Variants in MYLIP observed in about 807,000 individuals in gnomAD.
MYLIP encodes E3 ubiquitin-protein ligase MYLIP.
MYLIP carries 26 observed loss-of-function variants against 45.8 expected under a neutral mutation model. That is an observed-to-expected ratio of 0.57 (90% confidence interval 0.42 to 0.79). The LOEUF is 0.79. Among genes scored for constraint, MYLIP ranks in the 30% least tolerant of loss-of-function variants. MYLIP has a pLI of 0.00. For missense variants in MYLIP, 494 were observed against 555.6 expected (o/e 0.89, Z 1.11); for synonymous variants, 213 against 218.1 (o/e 0.98, Z 0.21).
chr6:16,130,718 G>A lies in MYLIP; in HGVS notation c.249G>A (p.Glu83=), dbSNP rs777843131. The A allele has an allele frequency of 1.9e-6, 3 of 1,613,932 alleles. No individual in the cohort carries two copies. Among genetic ancestry groups the A allele is most frequent in the Non-Finnish European group, 8.5e-7 (1 of 1,180,000 alleles). The stretch of plus-strand genomic sequence containing the variant: ...AACTTAGAGTCAAGTTCTTCGTGGA[G>A]CCTCATCTCATCTTACAGGAGCAGA... ...RLKLRVKFFV[E]PHLILQEQTR... Residue 83 remains glutamate, a synonymous_variant, in exon 2 of 7, where the codon GAG becomes GAA. Coordinates refer to ENST00000356840, the MANE Select transcript of MYLIP (RefSeq NM_013262.4).
At chr6:16,156,367 T>G in the MYLIP span, among the ~76,000 whole-genome samples, 1 of 152,206 alleles carries the variant, frequency 6.6e-6, no homozygotes, top group Non-Finnish European at 1.5e-5. Context: ...AAAATAAACA[T>G]GTGAACATAT....
rs202197437 is a variant in MYLIP at position 16,143,779 on chromosome 6, G to A, written c.743G>A (p.Ser248Asn). 33 of 1,613,890 alleles carry A rather than the reference G, an allele frequency of 2.0e-5. No homozygotes were observed. Among genetic ancestry groups the A allele is most frequent in the Non-Finnish European group, 2.7e-5 (32 of 1,180,016 alleles). The change falls in exon 5 of 7, where the codon AGC becomes AAC. Residue 248 changes from serine (S) to asparagine (N), a missense_variant. Ser to Asn is a conservative substitution (Grantham distance 46, BLOSUM62 1). Transcript: ENST00000356840. Reference sequence around the variant, plus strand: ...ACGGTCACCAAGGAATCTGGGAACAGCATCGTGCTCTTGTTTAAAATGATC... The same window carrying A: ...ACGGTCACCAAGGAATCTGGGAACAACATCGTGCTCTTGTTTAAAATGATC... ...YLTVTKESGN[S>N]IVLLFKMIST... is the part of the protein sequence containing the mutation.
At chr6:16,144,183 G>C (rs1328788779) in intron 5 of MYLIP, among the ~76,000 whole-genome samples, 1 of 151,900 alleles carries the variant, frequency 6.6e-6, no homozygotes, top group African/African-American at 2.4e-5. Flanking sequence ...AACCCTAAGG[G>C]GTTATTATTA....
At position 16,148,104 on chromosome 6, in the gene MYLIP, T is replaced by A. The variant is rs1387471044; in HGVS notation, c.*1353T>A. On this transcript the variant is annotated 3_prime_UTR_variant, in exon 7 of 7. Transcript: ENST00000356840. ...CAAATATTAAAACTCTACTTTTTTA[T>A]GGCACATATTAGCATATAAGCCTTT... 1 of 152,672 alleles carries A rather than the reference T, an allele frequency of 6.5e-6. No individual in the cohort carries two copies. Among genetic ancestry groups the A allele is most frequent in the African/African-American group, 2.4e-5 (1 of 41,468 alleles). 9.5% of individuals were successfully genotyped at this position (152,672 alleles called of 1,614,324 possible).
At chr6:16,131,014 TA>T (rs1161240899) in intron 2 of MYLIP, among the ~76,000 whole-genome samples, 4 of 121,470 alleles carry the variant, frequency 3.3e-5, no homozygotes, top group Non-Finnish European at 6.6e-5. Context: ...ACACTTGAGA[TA>T]AGTGCTACCC....
intron 2 of MYLIP, among the ~76,000 whole-genome samples, chr6:16,140,400 T>G (rs2282813): frequency 0.14 from 20,553 of 152,152 alleles, 1,790 homozygotes; most frequent in East Asian, 0.41. Context: ...ACAACTAGGA[T>G]GGGCTTAAAC....
Position 16,130,792 on chromosome 6 carries a change from C to G in MYLIP, c.278+45C>G, listed in dbSNP as rs1759442167. On this transcript the variant is annotated intron_variant, in intron 2 of 6. Transcript: ENST00000356840. ...ACCAATGTCAAATTGACCTTTGGTTCCCTTTAGAAGGGCCGCTGCACCTTC... is the reference window on the plus strand; with the variant it reads ...ACCAATGTCAAATTGACCTTTGGTTGCCTTTAGAAGGGCCGCTGCACCTTC... 1.3e-6 allele frequency: 2 copies of G among 1,576,464 alleles called. 1 individual carries two copies. Among genetic ancestry groups the G allele is most frequent in the Middle Eastern group, 3.6e-4 (2 of 5,540 alleles).
chr6:16,143,645 T>G, intron 4 of MYLIP, 54 bp from the exon 5 acceptor site: 2 of 1,585,502 alleles, frequency 1.3e-6, no homozygotes, highest in Non-Finnish European at 1.7e-6. Context: ...GGCACACACA[T>G]GGTGAAGAAT....
chr6:16,131,114 C>G (rs569515690), intron 2 of MYLIP, among the ~76,000 whole-genome samples: 6 of 151,352 alleles, frequency 4.0e-5, no homozygotes, highest in Non-Finnish European at 5.9e-5. Flanking sequence ...GTAACCTCTG[C>G]CTCAGCAGTG....
At chr6:16,133,436 C>T (rs2113516324) in intron 2 of MYLIP, among the ~76,000 whole-genome samples, 1 of 152,292 alleles carries the variant, frequency 6.6e-6, no homozygotes, top group South Asian at 2.1e-4. Flanking sequence ...ATGCTTTGCT[C>T]TTGAATATGA....
At chr6:16,159,506 CCTT>C in the MYLIP span, among the ~76,000 whole-genome samples, 3 of 152,246 alleles carry the variant, frequency 2.0e-5, no homozygotes, top group East Asian at 5.8e-4. Context: ...TGTTTGCTGT[CCTT>C]CTTATAATTA....
chr6:16,143,365 C>A, intron 4 of MYLIP, 148 bp downstream of exon 4: 1 of 813,348 alleles, frequency 1.2e-6, no homozygotes, highest in Non-Finnish European at 1.9e-6. Flanking sequence ...TTTATTCAGG[C>A]CTAAATAACC....
At chr6:16,135,185 T>A (rs1456127784) in intron 2 of MYLIP, among the ~76,000 whole-genome samples, 1 of 152,208 alleles carries the variant, frequency 6.6e-6, no homozygotes, top group Admixed American at 6.5e-5. Context: ...ATGGAATGAA[T>A]GTACCAAAAA....
At position 16,130,632 on chromosome 6, in the gene MYLIP, T is replaced by C. The variant is rs1759438390; in HGVS notation, c.163T>C (p.Trp55Arg). 1 of 1,614,096 alleles carries C rather than the reference T, an allele frequency of 6.2e-7. No individual in the cohort carries two copies. The highest frequency in any genetic ancestry group is 8.5e-7 in the Non-Finnish European group (1 of 1,180,032). ...QFTGSKGESL[W>R]LNLRNRISQQ... ...TACGGGTAGCAAAGGTGAAAGTTTA[T>C]GGCTAAACCTGAGAAACCGGATCTC... Residue 55 changes from tryptophan to arginine, a missense_variant, in exon 2 of 7, where the codon TGG (tryptophan) becomes CGG (arginine). Coordinates refer to ENST00000356840, the MANE Select transcript of MYLIP (RefSeq NM_013262.4).
At chr6:16,148,753 C>T (rs1170620634), downstream of MYLIP, among the ~76,000 whole-genome samples, 1 of 152,164 alleles carries the variant, frequency 6.6e-6, no homozygotes, top group Non-Finnish European at 1.5e-5. Context: ...GCTACAGAAG[C>T]TCGGGCTGTA....
At chr6:16,137,822 T>C (rs1759586438) in intron 2 of MYLIP, among the ~76,000 whole-genome samples, 1 of 152,150 alleles carries the variant, frequency 6.6e-6, no homozygotes, top group Admixed American at 6.5e-5. Context: ...GAAAGAAAAA[T>C]ATAGTAAGAA....
chr6:16,136,312 C>G (rs899787683), intron 2 of MYLIP, among the ~76,000 whole-genome samples: 10 of 151,712 alleles, frequency 6.6e-5, no homozygotes, highest in African/African-American at 2.2e-4. Flanking sequence ...CCTGTGCGGC[C>G]TTATCTATAT....
chr6:16,140,334 C>T (rs1345779247), intron 2 of MYLIP, among the ~76,000 whole-genome samples: 3 of 145,340 alleles, frequency 2.1e-5, no homozygotes, highest in East Asian at 4.1e-4. Context: ...CTGAATTTTA[C>T]AGGAGTTTTT....
intron 5 of MYLIP, 92 bp downstream of exon 5, chr6:16,143,955 T>G: frequency 7.2e-7 from 1 of 1,380,694 alleles, no homozygotes; most frequent in Non-Finnish European, 9.9e-7. Flanking sequence ...GATTGTTGTG[T>G]CAATGAGTCT....
Sources: allele counts gnomAD v4.1 joint callset (sites outside exome capture counted in the v4.1 genomes callset), GRCh38; gene constraint gnomAD v4.1.1; transcripts MANE v1.5; gene names NCBI Gene and HGNC (gene_info 2026-07-23, HGNC 2026-07-21).